CCDC171: variants seen among roughly 807,000 people sequenced by gnomAD.
CCDC171 encodes the protein coiled-coil domain-containing protein 171.
Under a neutral mutation model 168.2 loss-of-function variants are expected in CCDC171, and 177 were observed. The ratio of observed to expected loss-of-function variants is 1.05; its 90% CI spans 0.93 to 1.19. The LOEUF (loss-of-function observed/expected upper bound fraction) is 1.19. Ranked by LOEUF, CCDC171 falls within the 50% of genes most tolerant of loss-of-function variation. The probability of loss-of-function intolerance (pLI) is 0.00; values close to 1 mark genes in which losing one functional copy is unlikely to be tolerated. For missense variants in CCDC171, 1,991 were observed against 1,539.0 expected, an observed-to-expected ratio of 1.29 and a Z score of -4.91; for synonymous variants, 687 against 540.8, an observed-to-expected ratio of 1.27 and a Z score of -3.75.
At chr9:15,602,636 T>C (rs886798847) in intron 6 of CCDC171, among the ~76,000 whole-genome samples, 7 of 35,308 alleles carry the variant, frequency 2.0e-4, no homozygotes, top group African/African-American at 6.4e-4. Flanking sequence ...TCATTTCTTT[T>C]TTTTTTTTTT....
At chr9:15,761,320 C>T (rs1357525259) in intron 18 of CCDC171, among the ~76,000 whole-genome samples, 2 of 152,120 alleles carry the variant, frequency 1.3e-5, no homozygotes, top group Admixed American at 6.6e-5. Flanking sequence ...TTCAACTCAA[C>T]ATTGAGGTTT....
chr9:15,697,539 G>C (rs1449318982), intron 11 of CCDC171, among the ~76,000 whole-genome samples: 1 of 152,092 alleles, frequency 6.6e-6, no homozygotes, highest in Non-Finnish European at 1.5e-5. Context: ...AATGGACTCT[G>C]TTTCTGCTCA....
chr9:15,653,258 G>T (rs893632700), intron 7 of CCDC171, among the ~76,000 whole-genome samples: 6 of 152,078 alleles, frequency 3.9e-5, no homozygotes, highest in African/African-American at 1.4e-4. Context: ...TCCCACCTCA[G>T]CCTCCCAAGT....
intron 21 of CCDC171, among the ~76,000 whole-genome samples, chr9:15,813,330 A>G (rs2059433808): frequency 6.6e-6 from 1 of 152,238 alleles, no homozygotes; most frequent in South Asian, 2.1e-4. Context: ...GAACTACAAG[A>G]CGGAACATGT....
At chr9:15,938,325 A>G (rs922685912) in intron 25 of CCDC171, among the ~76,000 whole-genome samples, 1 of 151,852 alleles carries the variant, frequency 6.6e-6, no homozygotes, top group African/African-American at 2.4e-5. Flanking sequence ...AGTGGGGAAA[A>G]ATTAAGAATG....
the CCDC171 span, among the ~76,000 whole-genome samples, chr9:16,103,833 C>CG: frequency 1.3e-5 from 2 of 151,992 alleles, no homozygotes; most frequent in African/African-American, 4.8e-5. Flanking sequence ...GCATGGACTC[C>CG]GGGGGGGCTG....
rs138643465 is a variant in CCDC171, at chr9:15,602,846, C to T, written c.675+8674C>T. On this transcript the variant is annotated intron_variant, in intron 6 of 25. Transcript: ENST00000380701. ...CTAATTTTTGTATTTTTAGTAGAGA[C>T]GGAGTTTTGCCAGGTTGGCAAGGCT... Among the ~76,000 whole-genome samples the T allele has an allele frequency of 4.9e-3, 751 of 151,800 alleles. 11 individuals carry two copies. The highest frequency in any genetic ancestry group is 0.017 in the African/African-American group (687 of 41,410).
intron 22 of CCDC171, 148 bp from the exon 23 acceptor site, chr9:15,848,745 A>G (rs1224500482): frequency 9.0e-6 from 4 of 443,316 alleles, no homozygotes; most frequent in Admixed American, 4.3e-5. Context: ...AAAAATCAAA[A>G]TTTAAAAAGT....
chr9:15,635,302 T>G (rs2132398479), intron 7 of CCDC171, among the ~76,000 whole-genome samples: 1 of 152,332 alleles, frequency 6.6e-6, no homozygotes, highest in South Asian at 2.1e-4. Context: ...TATGTGCTTA[T>G]TAGCCATTCA....
At chr9:15,574,330 A>T (rs2040465204) in intron 3 of CCDC171, among the ~76,000 whole-genome samples, 1 of 152,000 alleles carries the variant, frequency 6.6e-6, no homozygotes, top group Non-Finnish European at 1.5e-5. Flanking sequence ...TTTTTAGTAG[A>T]GACGGGATTT....
the CCDC171 span, among the ~76,000 whole-genome samples, chr9:16,108,130 A>G: frequency 1.8e-3 from 278 of 152,318 alleles, 1 homozygote; most frequent in African/African-American, 6.2e-3. Context: ...CAGATTTTGG[A>G]AATTGCTTCA....
intron 24 of CCDC171, among the ~76,000 whole-genome samples, chr9:15,906,248 G>A (rs901306208): frequency 6.6e-6 from 1 of 152,178 alleles, no homozygotes; most frequent in Non-Finnish European, 1.5e-5. Flanking sequence ...CAATGTCCTT[G>A]ATGAACATCG....
intron 1 of CCDC171, among the ~76,000 whole-genome samples, chr9:16,046,941 C>G (rs1833671735): frequency 6.6e-6 from 1 of 152,166 alleles, no homozygotes; most frequent in Non-Finnish European, 1.5e-5. Flanking sequence ...AGGCATCTCA[C>G]TCTCCTTCCC....
At chr9:15,571,314 A>G (rs936571977) in intron 2 of CCDC171, among the ~76,000 whole-genome samples, 1 of 152,240 alleles carries the variant, frequency 6.6e-6, no homozygotes, top group Non-Finnish European at 1.5e-5. Context: ...AAAAAGTGGG[A>G]GAACCCAGTC....
At chr9:15,892,181 A>G (rs1298318488) in intron 24 of CCDC171, among the ~76,000 whole-genome samples, 1 of 152,182 alleles carries the variant, frequency 6.6e-6, no homozygotes, top group Non-Finnish European at 1.5e-5. Context: ...TTTCTATTTG[A>G]ATAGCCTTTA....
At chr9:15,858,920 T>G (rs897302361) in intron 23 of CCDC171, among the ~76,000 whole-genome samples, 1 of 152,092 alleles carries the variant, frequency 6.6e-6, no homozygotes, top group Non-Finnish European at 1.5e-5. Flanking sequence ...TTCAGTGATA[T>G]GTTGAATACA....
intron 25 of CCDC171, among the ~76,000 whole-genome samples, chr9:15,961,451 G>A (rs1193312684): frequency 2.6e-5 from 4 of 152,118 alleles, no homozygotes; most frequent in African/African-American, 9.7e-5. Flanking sequence ...GTTATAAGTA[G>A]CCACTCTGCA....
intron 3 of CCDC171, among the ~76,000 whole-genome samples, chr9:15,997,442 G>A (rs1375350906): frequency 2.0e-5 from 3 of 152,168 alleles, no homozygotes; most frequent in Non-Finnish European, 4.4e-5. Flanking sequence ...TAAAAAATAA[G>A]TTTTTTGTTG....
At chr9:15,741,172 A>G (rs1345246989) in intron 16 of CCDC171, among the ~76,000 whole-genome samples, 1 of 152,212 alleles carries the variant, frequency 6.6e-6, no homozygotes, top group East Asian at 1.9e-4. Context: ...CTTTTAAAGT[A>G]TACAGTTCAG....
Sources: gnomAD v4.1 joint callset for allele counts (sites outside exome capture counted in the v4.1 genomes callset) on GRCh38, gnomAD v4.1.1 for gene constraint, MANE v1.5 for transcripts, NCBI Gene and HGNC (gene_info 2026-07-23, HGNC 2026-07-21) for gene names.